Variants in PYGM observed in about 807,000 individuals in gnomAD.
The protein encoded by PYGM is glycogen phosphorylase, muscle form.
In PYGM, 81 loss-of-function variants were observed where a neutral mutation model predicts 99.3. The ratio of observed to expected loss-of-function variants is 0.82; its 90% CI spans 0.68 to 0.98. The LOEUF (loss-of-function observed/expected upper bound fraction) is 0.98. PYGM is among the 50% of genes least tolerant of loss of function. The pLI is 0.00. For missense variants in PYGM, 1,030 were observed against 1,158.1 expected, an observed-to-expected ratio of 0.89 and a Z score of 1.61; for synonymous variants, 436 against 451.5, an observed-to-expected ratio of 0.97 and a Z score of 0.44.
Position 64,754,636 on chromosome 11 carries a change from G to A in PYGM, c.999+57C>T. 3.1e-6 allele frequency: 5 copies of A among 1,601,024 alleles called. No individual in the cohort carries two copies. The highest frequency in any genetic ancestry group is 2.2e-5 in the East Asian group (1 of 44,620). On this transcript the variant is annotated intron_variant, in intron 8 of 19. Coordinates refer to ENST00000164139, the MANE Select transcript of PYGM (RefSeq NM_005609.4). This position sits in a 1 kb window ranked among gnomAD's most constrained non-coding sequence, Gnocchi z 5.5. ...ATGGGGCAGGCAGGCCGAGGCTGGA[G>A]GGAGAGGCCTAGCACACACTGTCCG...
rs768483998 is a variant in PYGM, at chr11:64,754,433, GC to G, written c.1000-89del. 54 of 1,062,206 alleles carry G rather than the reference GC, an allele frequency of 5.1e-5. No individual in the cohort carries two copies. Among genetic ancestry groups the G allele is most frequent in the Non-Finnish European group, 6.7e-5 (50 of 750,956 alleles). 65.8% of individuals were successfully genotyped at this position (1,062,206 alleles called of 1,614,324 possible). The stretch of plus-strand genomic sequence containing the variant: ...TATGCCATTTGGAGGCCCCCAGAGA[GC>G]CCAGCACGGTTCTGTGACTGGGCTG... On this transcript the variant is annotated intron_variant, in intron 8 of 19. Coordinates refer to ENST00000164139, the MANE Select transcript of PYGM (RefSeq NM_005609.4). This position sits in a 1 kb window ranked among gnomAD's most constrained non-coding sequence, Gnocchi z 5.5.
In PYGM at chr11:64,750,488, T is replaced by G; in HGVS notation, c.2065A>C (p.Thr689Pro). The change falls in exon 17 of 20, where the codon ACC (threonine) becomes CCC (proline). Residue 689 changes from threonine (T) to proline (P), a missense_variant. Thr to Pro is a conservative substitution (Grantham distance 38, BLOSUM62 -1). Transcript: ENST00000164139. ...NMKFMLNGALTIGTMDGANVE... is the reference protein window; with the variant it reads ...NMKFMLNGALPIGTMDGANVE... ...TTGGCCCCGTCCATGGTGCCAATGG[T>G]CAGAGCCCCGTTGAGCATGAACTTC... is the stretch of plus-strand genomic sequence containing the variant. 1 of 1,614,200 alleles carries G rather than the reference T, an allele frequency of 6.2e-7. No homozygotes were observed. The highest frequency in any genetic ancestry group is 8.5e-7 in the Non-Finnish European group (1 of 1,180,030).
At chr11:64,759,622 G>GC in intron 1 of PYGM, 34 bp downstream of exon 1, 1 of 1,611,086 alleles carries the variant, frequency 6.2e-7, no homozygotes, top group Non-Finnish European at 8.5e-7. Context: ...AGCGCCTTCA[G>GC]CCCATACCCC....
rs752919943 is a variant in PYGM at position 64,747,267 on chromosome 11, C to T, written c.2269G>A (p.Asp757Asn). The change falls in exon 18 of 20, where the codon GAC becomes AAC. Residue 757 changes from aspartate to asparagine, a missense_variant. Transcript: ENST00000164139. ...SSGFFSPKQP[D>N]LFKDIVNMLM... ...ATATTGACAATGTCCTTGAACAGGT[C>T]GGGCTGTTTGGGGGAGAAGAAGCCA... The T allele has an allele frequency of 2.5e-6, 4 of 1,614,006 alleles. No individual in the cohort carries two copies. Among genetic ancestry groups the T allele is most frequent in the Admixed American group, 1.7e-5 (1 of 60,012 alleles).
Position 64,755,416 on chromosome 11 carries a change from G to C in PYGM, c.772+31C>G. 6.2e-7 allele frequency: 1 copy of C among 1,612,892 alleles called. No individual in the cohort carries two copies. The highest frequency in any genetic ancestry group is 8.5e-7 in the Non-Finnish European group (1 of 1,178,850). ...GCTGGGCGTGGCCGGCGGGCAAGCT[G>C]GGGTTGCTGGCTACCAGTGGATGAA... On this transcript the variant is annotated intron_variant, in intron 6 of 19. Transcript: ENST00000164139. This position sits in a 1 kb window ranked among gnomAD's most constrained non-coding sequence, Gnocchi z 4.1.
chr11:64,747,230 T>C lies in PYGM; in HGVS notation c.2306A>G (p.His769Arg), dbSNP rs771421657. The C allele has an allele frequency of 1.9e-6, 3 of 1,614,116 alleles. No individual in the cohort carries two copies. The highest frequency in any genetic ancestry group is 1.7e-5 in the Admixed American group (1 of 60,026). Residue 769 changes from histidine to arginine, a missense_variant, in exon 18 of 20, where the codon CAT becomes CGT. Physicochemically the swap from His to Arg is conservative, Grantham distance 29. Coordinates refer to ENST00000164139, the MANE Select transcript of PYGM (RefSeq NM_005609.4). ...FKDIVNMLMH[H>R]DRFKVFADYE... ...CCCGGGCCAACCAGCTCACCGGTCATGGTGCATGAGCATATTGACAATGTC... is the reference window on the plus strand; with the variant it reads ...CCCGGGCCAACCAGCTCACCGGTCACGGTGCATGAGCATATTGACAATGTC...
chr11:64,753,594 G>A lies in PYGM; in HGVS notation c.1328C>T (p.Ala443Val), dbSNP rs922555750. 7 of 1,608,090 alleles carry A rather than the reference G, an allele frequency of 4.4e-6. No individual in the cohort carries two copies. The highest frequency in any genetic ancestry group is 5.9e-6 in the Non-Finnish European group (7 of 1,179,010). The change falls in exon 11 of 20, where the codon GCA becomes GTA. Residue 443 changes from alanine to valine, a missense_variant. Ala to Val is a moderately conservative substitution (Grantham distance 64, BLOSUM62 0). Coordinates refer to ENST00000164139, the MANE Select transcript of PYGM (RefSeq NM_005609.4). ...EEGAVKRINM[A>V]HLCIAGSHAV... ...GTGCGACCCCGCGATGCACAGGTGT[G>A]CCATGTTGATGCGCTTCACTGCGCC...
intron 17 of PYGM, chr11:64,747,910 G>A (rs906290034): frequency 7.8e-5 from 14 of 178,466 alleles, no homozygotes; most frequent in East Asian, 2.8e-4. Flanking sequence ...GCATGGTGTC[G>A]TGTGCCTGTA....
At position 64,759,957 on chromosome 11, in the gene PYGM, T is replaced by C. The variant is rs998260069; in HGVS notation, c.-59A>G. ...GTAGAGGGGACGGCGGCCTCAGCAC[T>C]GCCTCCAGCCAAGGAGTGGAGCTCC... On this transcript the variant is annotated 5_prime_UTR_variant, in exon 1 of 20. Coordinates refer to ENST00000164139, the MANE Select transcript of PYGM (RefSeq NM_005609.4). 1.2e-6 allele frequency: 2 copies of C among 1,600,640 alleles called. No individual in the cohort carries two copies. The highest frequency in any genetic ancestry group is 1.7e-4 in the Middle Eastern group (1 of 6,020).
chr11:64,753,891 C>T lies in PYGM; in HGVS notation c.1227G>A (p.Gln409=). 2 of 1,579,700 alleles carry T rather than the reference C, an allele frequency of 1.3e-6. No homozygotes were observed. The highest frequency in any genetic ancestry group is 8.6e-7 in the Non-Finnish European group (1 of 1,162,348). ...RHLQIIYEIN[Q]RFLNRVAAAF... ...CCTCCGGACTCACGTTGAGGAAGCG[C>T]TGGTTGATCTCGTAGATGATCTGGA... Residue 409 remains glutamine, a synonymous_variant, in exon 10 of 20, where the codon CAG becomes CAA. Transcript: ENST00000164139.
intron 18 of PYGM, 56 bp downstream of exon 18, chr11:64,747,168 G>A: frequency 6.2e-7 from 1 of 1,605,768 alleles, no homozygotes; most frequent in Non-Finnish European, 8.5e-7. Context: ...CCACACACCT[G>A]AGCCTCGATC....
In PYGM at chr11:64,750,404, C is replaced by T; in HGVS notation, c.2149G>A (p.Glu717Lys). The change falls in exon 17 of 20, where the codon GAG (glutamate) becomes AAG (lysine). Residue 717 changes from glutamate (E) to lysine (K), a missense_variant. Transcript: ENST00000164139. ...CTTTGGTCAAGCTTATCCACATCCT[C>T]CACCCGCATGCCAAAGATGAAGAAG... ...ENFFIFGMRV[E>K]DVDKLDQRGY... is the part of the protein sequence containing the mutation. 1 of 1,614,168 alleles carries T rather than the reference C, an allele frequency of 6.2e-7. No individual in the cohort carries two copies. Among genetic ancestry groups the T allele is most frequent in the Non-Finnish European group, 8.5e-7 (1 of 1,180,034 alleles).
In PYGM at chr11:64,754,353, AGGGGGAGG is replaced by A. The variant is rs770063218; in HGVS notation, c.1000-16_1000-9del. The A allele has an allele frequency of 2.5e-6, 4 of 1,595,454 alleles. No individual in the cohort carries two copies. The African/African-American group carries it at 5.4e-5, about 21-fold the overall frequency. On this transcript the variant is annotated splice_polypyrimidine_tract_variant and intron_variant, in intron 8 of 19. Transcript: ENST00000164139. This position sits in a 1 kb window ranked among gnomAD's most constrained non-coding sequence, Gnocchi z 5.5. ...ATTGAGCTGGATGGCCACCTGGGGT[AGGGGGAGG>A]GGTCAGTCTGGGCTCCAAACCACAT...
intron 5 of PYGM, among the ~76,000 whole-genome samples, chr11:64,756,615 T>A (rs2058396083): frequency 6.6e-6 from 1 of 152,058 alleles, no homozygotes; most frequent in Admixed American, 6.6e-5. Flanking sequence ...CATGCCCGGC[T>A]AATGTTTTTG....
At chr11:64,759,520 C>G (rs2058418830) in intron 1 of PYGM, 136 bp downstream of exon 1, 2 of 1,412,780 alleles carry the variant, frequency 1.4e-6, no homozygotes, top group African/African-American at 2.8e-5. Flanking sequence ...TGTCCCAGCA[C>G]CCCTTGTGCC....
In PYGM at chr11:64,759,738, A is replaced by AAGT. The variant is rs1325298827; in HGVS notation, c.158_160dup (p.Tyr53dup). The AAGT allele has an allele frequency of 1.2e-6, 2 of 1,614,178 alleles. No homozygotes were observed. The highest frequency in any genetic ancestry group is 1.7e-6 in the Non-Finnish European group (2 of 1,180,026). ...GTCGCGCACGGTATGGGCCAGAGCAAAGTAGTAGTCTCGTGGGGTGGCCAC... is the reference window on the plus strand; with the variant it reads ...GTCGCGCACGGTATGGGCCAGAGCAAAGTAGTAGTAGTCTCGTGGGGTGGCCAC... On this transcript the variant is annotated inframe_insertion, in exon 1 of 20. Coordinates refer to ENST00000164139, the MANE Select transcript of PYGM (RefSeq NM_005609.4).
rs1028917488 is a variant in PYGM, at chr11:64,755,673, G to A, written c.661-115C>T. 1.3e-6 allele frequency: 1 copy of A among 789,774 alleles called. No homozygotes were observed. The highest frequency in any genetic ancestry group is 2.1e-6 in the Non-Finnish European group (1 of 473,720). The allele number at this position is 789,774 out of a possible 1,614,324, so 48.9% of individuals were successfully genotyped here. On this transcript the variant is annotated intron_variant, in intron 5 of 19. Coordinates refer to ENST00000164139, the MANE Select transcript of PYGM (RefSeq NM_005609.4). This position sits in a 1 kb window ranked among gnomAD's most constrained non-coding sequence, Gnocchi z 4.1. ...TCTGCAGACCCAGGCTCTTGTCCTTGTCTAGCATCGATGAGCTGGGTAACC... is the reference window on the plus strand; with the variant it reads ...TCTGCAGACCCAGGCTCTTGTCCTTATCTAGCATCGATGAGCTGGGTAACC...
chr11:64,760,500 G>A (rs1280472053), upstream of PYGM, among the ~76,000 whole-genome samples: 7 of 152,230 alleles, frequency 4.6e-5, no homozygotes, highest in East Asian at 5.8e-4. Flanking sequence ...CACCCCCACC[G>A]AAGCTGAGCA....
chr11:64,746,473 G>A lies in PYGM; in HGVS notation c.*186C>T, dbSNP rs2058305254. On this transcript the variant is annotated 3_prime_UTR_variant, in exon 20 of 20. Coordinates refer to ENST00000164139, the MANE Select transcript of PYGM (RefSeq NM_005609.4). ...ATAAATAGGAGGGGACCGGGAGCCC[G>A]AGGACGGAAGGGGGCCCGTGTCCTT... is the stretch of plus-strand genomic sequence containing the variant. 3 of 783,850 alleles carry A rather than the reference G, an allele frequency of 3.8e-6. No homozygotes were observed. The highest frequency in any genetic ancestry group is 6.1e-6 in the Non-Finnish European group (3 of 490,600). The allele number at this position is 783,850 out of a possible 1,614,324, so 48.6% of individuals were successfully genotyped here. A position where few individuals can be genotyped will look rare whatever the true frequency, so the allele number is the denominator to read the frequency against.
Sources: allele counts gnomAD v4.1 joint callset (sites outside exome capture counted in the v4.1 genomes callset), GRCh38; gene constraint gnomAD v4.1.1; non-coding constraint Gnocchi (gnomAD v3.1); transcripts MANE v1.5; gene names NCBI Gene and HGNC (gene_info 2026-07-23, HGNC 2026-07-21).